The following KCNH1 variants were observed in gnomAD, a reference collection of about 807,000 sequenced individuals.
KCNH1 encodes potassium voltage-gated channel subfamily H member 1.
Under a neutral mutation model 69.2 loss-of-function variants are expected in KCNH1, and 27 were observed. The observed-to-expected ratio is 0.39, with a 90% CI of 0.29 to 0.54. The LOEUF is 0.54. KCNH1 is among the 20% of genes least tolerant of loss of function. KCNH1 has a pLI of 0.68. For synonymous variants in KCNH1, 456 were observed against 487.7 expected (o/e 0.93, Z 0.86); for missense variants, 798 against 1,261.6 (o/e 0.63, Z 5.57).
In KCNH1 at chr1:210,984,336, A is replaced by C. The variant is rs550086581; in HGVS notation, c.1032+34447T>G. 3.3e-4 allele frequency among the ~76,000 whole-genome samples: 51 copies of C among 152,312 alleles called. 1 individual carries two copies. The highest frequency in any genetic ancestry group is 1.2e-3 in the African/African-American group (51 of 41,572). ...TTGAATAGGAGTGGTGAGAGAGGGC[A>C]TCCCTGTCTTGTGCCAGTTTTCAAA... On this transcript the variant is annotated intron_variant, in intron 6 of 10. Coordinates refer to ENST00000271751, the MANE Select transcript of KCNH1 (RefSeq NM_172362.3).
In KCNH1 at chr1:210,795,689, G is replaced by A. The variant is rs73069552; in HGVS notation, c.1915+1819C>T. ...ATAATACTATCTATGTCTCTATGTA[G>A]TTTGAATCTCAATTCTAACTTCAGA... On this transcript the variant is annotated intron_variant, in intron 9 of 10. Coordinates refer to ENST00000271751, the MANE Select transcript of KCNH1 (RefSeq NM_172362.3). 5.4e-3 allele frequency among the ~76,000 whole-genome samples: 815 copies of A among 151,972 alleles called. 6 individuals are homozygous for A. The highest frequency in any genetic ancestry group is 0.018 in the African/African-American group (762 of 41,400).
intron 10 of KCNH1, among the ~76,000 whole-genome samples, chr1:210,700,526 C>CTT (rs1240124115): frequency 6.6e-6 from 1 of 152,136 alleles, no homozygotes; most frequent in African/African-American, 2.4e-5. Context: ...CCTGTATTCT[C>CTT]TTTGTCTTTT....
chr1:211,040,107 C>A (rs577118829), intron 5 of KCNH1, among the ~76,000 whole-genome samples: 3 of 149,560 alleles, frequency 2.0e-5, no homozygotes, highest in Non-Finnish European at 4.4e-5. Context: ...AGGAGAATGG[C>A]GTGAACCTGG....
intron 7 of KCNH1, among the ~76,000 whole-genome samples, chr1:210,901,716 T>G (rs2102536483): frequency 6.6e-6 from 1 of 152,268 alleles, no homozygotes; most frequent in East Asian, 1.9e-4. Context: ...ACTAAGAAAG[T>G]TAAGAAAGTT....
At chr1:210,806,836 A>AAATATATATATATAT (rs1553346591) in intron 7 of KCNH1, among the ~76,000 whole-genome samples, 43 of 85,526 alleles carry the variant, frequency 5.0e-4, no homozygotes, top group East Asian at 8.5e-4. Flanking sequence ...AAAAAAAAAA[A>AAATATATATATATAT]ATATATATAT....
intron 7 of KCNH1, among the ~76,000 whole-genome samples, chr1:210,856,279 G>T (rs1157085640): frequency 6.6e-6 from 1 of 152,128 alleles, no homozygotes; most frequent in East Asian, 1.9e-4. Flanking sequence ...AGCCCGCCTG[G>T]AATAATCCCA....
chr1:211,119,768 T>A (rs951915864), intron 1 of KCNH1, among the ~76,000 whole-genome samples: 4 of 152,208 alleles, frequency 2.6e-5, no homozygotes, highest in Admixed American at 2.0e-4. Context: ...CAAACGGAAC[T>A]CTCAAGAGAT....
chr1:210,763,678 C>T (rs760606292), intron 10 of KCNH1, among the ~76,000 whole-genome samples: 4 of 152,160 alleles, frequency 2.6e-5, no homozygotes, highest in Non-Finnish European at 5.9e-5. Flanking sequence ...AAGACCTCTC[C>T]TGGAAGAACT....
At chr1:211,116,482 T>C (rs951250913) in intron 1 of KCNH1, among the ~76,000 whole-genome samples, 158 of 152,316 alleles carry the variant, frequency 1.0e-3, no homozygotes, top group African/African-American at 3.6e-3. Flanking sequence ...CAGGCAATAC[T>C]TACCTTTCCA....
At chr1:210,916,983 A>G (rs757527371) in intron 7 of KCNH1, among the ~76,000 whole-genome samples, 2 of 151,990 alleles carry the variant, frequency 1.3e-5, no homozygotes, top group Non-Finnish European at 2.9e-5. Context: ...CCCCATCTCC[A>G]CTAAAAATAC....
At chr1:211,078,934 A>AAAAAAAAAAAAAAAAAG in intron 5 of KCNH1, among the ~76,000 whole-genome samples, 1 of 142,366 alleles carries the variant, frequency 7.0e-6, no homozygotes, top group Non-Finnish European at 1.5e-5. Flanking sequence ...AAAAAAAAAA[A>AAAAAAAAAAAAAAAAAG]AAAGAAAGAA....
chr1:210,923,409 C>A (rs1363415497), intron 6 of KCNH1, among the ~76,000 whole-genome samples: 1 of 152,172 alleles, frequency 6.6e-6, no homozygotes, highest in African/African-American at 2.4e-5. Context: ...GGGGTCCCAT[C>A]ATCTTTCTTA....
chr1:210,723,829 C>T (rs1408083163), intron 10 of KCNH1, among the ~76,000 whole-genome samples: 1 of 152,168 alleles, frequency 6.6e-6, no homozygotes, highest in African/African-American at 2.4e-5. Flanking sequence ...CATGGTTGGG[C>T]AGCATTGATG....
At chr1:210,938,434 TAA>T (rs575443656) in intron 6 of KCNH1, among the ~76,000 whole-genome samples, 3 of 152,210 alleles carry the variant, frequency 2.0e-5, no homozygotes, top group Non-Finnish European at 4.4e-5. Flanking sequence ...TTTTTTAAAT[TAA>T]GTTATAAAAA....
At chr1:211,088,509 G>A (rs1217762225) in intron 4 of KCNH1, among the ~76,000 whole-genome samples, 1 of 152,178 alleles carries the variant, frequency 6.6e-6, no homozygotes, top group Non-Finnish European at 1.5e-5. Flanking sequence ...CTAATATAAA[G>A]TTTGACTTGT....
In KCNH1 at chr1:210,882,207, C is replaced by A. The variant is rs550443087; in HGVS notation, c.1462+37433G>T. ...TAAAATCACTCTAAACAATAAAATT[C>A]TATTATAAAATTTTTAAAAAATTTA... On this transcript the variant is annotated intron_variant, in intron 7 of 10. Transcript: ENST00000271751. 4.6e-5 allele frequency among the ~76,000 whole-genome samples: 7 copies of A among 152,062 alleles called. No individual in the cohort carries two copies. The South Asian group carries it at 6.2e-4, about 14-fold the overall frequency.
At chr1:211,021,820 T>A (rs1689590622) in intron 5 of KCNH1, among the ~76,000 whole-genome samples, 1 of 151,914 alleles carries the variant, frequency 6.6e-6, no homozygotes, top group Non-Finnish European at 1.5e-5. Context: ...AACACTGAGA[T>A]AAGAAATTGA....
chr1:211,121,765 T>A (rs947057161), intron 1 of KCNH1, among the ~76,000 whole-genome samples: 4 of 151,950 alleles, frequency 2.6e-5, no homozygotes, highest in East Asian at 1.9e-4. Flanking sequence ...TGGGAGAAAA[T>A]TTTTGCAATC....
intron 6 of KCNH1, among the ~76,000 whole-genome samples, chr1:211,000,924 AT>A (rs1689164885): frequency 6.6e-6 from 1 of 152,180 alleles, no homozygotes; most frequent in Admixed American, 6.5e-5. Context: ...AGGATTCCCT[AT>A]TTAATCAATG....
Sources: gnomAD v4.1 joint callset for allele counts (sites outside exome capture counted in the v4.1 genomes callset) on GRCh38, gnomAD v4.1.1 for gene constraint, MANE v1.5 for transcripts, NCBI Gene and HGNC (gene_info 2026-07-23, HGNC 2026-07-21) for gene names.